The following PEAR1 variants were observed in gnomAD, a reference collection of about 807,000 sequenced individuals.
PEAR1 encodes platelet endothelial aggregation receptor 1.
PEAR1 carries 113 observed loss-of-function variants against 131.2 expected under a neutral mutation model. The ratio of observed to expected loss-of-function variants is 0.86; its 90% CI spans 0.74 to 1.01. The LOEUF is 1.01. Ranked by LOEUF, PEAR1 falls within the 50% of genes least tolerant of loss-of-function variation. The probability of loss-of-function intolerance (pLI) is 0.00; values close to 1 mark genes in which losing one functional copy is unlikely to be tolerated. For synonymous variants in PEAR1, 565 were observed against 523.3 expected, an observed-to-expected ratio of 1.08 and a Z score of -1.09; for missense variants, 1,408 against 1,391.1, an observed-to-expected ratio of 1.01 and a Z score of -0.19.
At position 156,908,661 on chromosome 1, in the gene PEAR1, C is replaced by A; in HGVS notation, c.1122C>A (p.His374Gln). The A allele has an allele frequency of 6.6e-7, 1 of 1,525,798 alleles. No homozygotes were observed. Among genetic ancestry groups the A allele is most frequent in the Non-Finnish European group, 8.8e-7 (1 of 1,141,160 alleles). 94.5% of individuals were successfully genotyped at this position (1,525,798 alleles called of 1,614,324 possible). A position where few individuals can be genotyped will look rare whatever the true frequency, so the allele number is the denominator to read the frequency against. ...TCDREHSLSC[H>Q]PMNGECSCLP... ...CCCCCGCCTCTGCCCCCAGCTGCCA[C>A]CCGATGAACGGGGAGTGCTCCTGCC... The change falls in exon 10 of 23, where the codon CAC becomes CAA. Residue 374 changes from histidine to glutamine, a missense_variant. His to Gln is a conservative substitution (Grantham distance 24). Coordinates refer to ENST00000292357, the MANE Select transcript of PEAR1 (RefSeq NM_001080471.3). This position sits in a 1 kb window ranked among gnomAD's most constrained non-coding sequence, Gnocchi z 4.2.
chr1:156,916,242 T>C lies in PEAR1; in HGVS notation c.*1444T>C, dbSNP rs191684526. The C allele has an allele frequency of 2.6e-5, 4 of 152,332 alleles. No individual in the cohort carries two copies. In the East Asian group the frequency reaches 7.7e-4, roughly 29 times the overall value. The allele number at this position is 152,332 out of a possible 1,614,324, so 9.4% of individuals were successfully genotyped here. On this transcript the variant is annotated 3_prime_UTR_variant, in exon 23 of 23. Transcript: ENST00000292357. ...TAAGCAAATCTGTTGGCACCATTTTTCCAATAGCATGTGCCCATTTTGGGT... is the reference window on the plus strand; with the variant it reads ...TAAGCAAATCTGTTGGCACCATTTTCCCAATAGCATGTGCCCATTTTGGGT...
Position 156,913,801 on chromosome 1 carries a change from G to C in PEAR1, c.2713+41G>C, listed in dbSNP as rs112488283. On this transcript the variant is annotated intron_variant, in intron 21 of 22. Coordinates refer to ENST00000292357, the MANE Select transcript of PEAR1 (RefSeq NM_001080471.3). ...CAACAAGGGAGGTGGCTGAGCTGGGGCTGAGGAACCAGTGCCTCCATGCGG... is the reference window on the plus strand; with the variant it reads ...CAACAAGGGAGGTGGCTGAGCTGGGCCTGAGGAACCAGTGCCTCCATGCGG... 1.1e-3 allele frequency: 1,765 copies of C among 1,612,046 alleles called. 15 individuals are homozygous for C. In the African/African-American group the frequency reaches 0.016, roughly 15 times the overall value.
rs1305130634 is a variant in PEAR1 at position 156,908,612 on chromosome 1, C to CT, written c.1116-42dup. 1.4e-6 allele frequency: 2 copies of CT among 1,474,846 alleles called. No homozygotes were observed. 91.4% of individuals were successfully genotyped at this position (1,474,846 alleles called of 1,614,324 possible). Reference sequence around the variant, plus strand: ...GAGGGGTCGGGAAGCTGCCCTGCCCCTGCCCAGCTCAGACCGCGCCACGCC... The same window carrying CT: ...GAGGGGTCGGGAAGCTGCCCTGCCCCTTGCCCAGCTCAGACCGCGCCACGCC... On this transcript the variant is annotated intron_variant, in intron 9 of 22. Coordinates refer to ENST00000292357, the MANE Select transcript of PEAR1 (RefSeq NM_001080471.3). This position sits in a 1 kb window ranked among gnomAD's most constrained non-coding sequence, Gnocchi z 4.2.
At chr1:156,913,560 G>A (rs1443834803) in intron 20 of PEAR1, 37 bp downstream of exon 20, 5 of 1,608,586 alleles carry the variant, frequency 3.1e-6, no homozygotes, top group Admixed American at 3.3e-5. Flanking sequence ...GGCGCGGGTG[G>A]ATGTGTGCAG....
At chr1:156,910,132 C>A (rs771969190) in intron 13 of PEAR1, 24 bp downstream of exon 13, 1 of 1,613,980 alleles carries the variant, frequency 6.2e-7, no homozygotes. Context: ...GGCCCCAGGC[C>A]TACTGTGGAT....
intron 2 of PEAR1, 65 bp from the exon 3 acceptor site, chr1:156,904,683 T>A: frequency 4.7e-6 from 7 of 1,490,902 alleles, no homozygotes; most frequent in Non-Finnish European, 6.3e-6. Flanking sequence ...TCATGGCCAT[T>A]TTCCCGTTGT....
rs1245519567 is a variant in PEAR1, at chr1:156,910,603, AC to A, written c.1826-11del. 1 of 1,612,530 alleles carries A rather than the reference AC, an allele frequency of 6.2e-7. No individual in the cohort carries two copies. Among genetic ancestry groups the A allele is most frequent in the East Asian group, 2.2e-5 (1 of 44,830 alleles). On this transcript the variant is annotated splice_polypyrimidine_tract_variant and intron_variant, in intron 14 of 22. Coordinates refer to ENST00000292357, the MANE Select transcript of PEAR1 (RefSeq NM_001080471.3). ...TGGCCTCTGCCCCCAATCACCATGTACCCCTTTCCCCCAGCCTGTCAGCCTG... is the reference window on the plus strand; with the variant it reads ...TGGCCTCTGCCCCCAATCACCATGTACCCTTTCCCCCAGCCTGTCAGCCTG...
At chr1:156,913,327 A>G (rs1316716598) in intron 19 of PEAR1, 45 bp downstream of exon 19, 1 of 1,599,254 alleles carries the variant, frequency 6.3e-7, no homozygotes, top group Non-Finnish European at 8.5e-7. Context: ...AAGCGCACAG[A>G]CCAGCTTCTC....
At position 156,897,433 on chromosome 1, in the gene PEAR1, A is replaced by C. The variant is rs1424934792; in HGVS notation, c.-10+3596A>C. Among the ~76,000 whole-genome samples, 4 of 152,226 alleles carry C rather than the reference A, an allele frequency of 2.6e-5. No individual in the cohort carries two copies. In the East Asian group the frequency reaches 7.7e-4, roughly 29 times the overall value. On this transcript the variant is annotated intron_variant, in intron 1 of 22. Transcript: ENST00000292357. ...TATCCATCAGCCTAATCAGCCCAGC[A>C]GACTTGGAGTACGTCGGGGGCTGTG...
intron 4 of PEAR1, among the ~76,000 whole-genome samples, 166 bp downstream of exon 4, chr1:156,905,590 C>G (rs1478703588): frequency 6.6e-6 from 1 of 152,054 alleles, no homozygotes; most frequent in East Asian, 1.9e-4. Flanking sequence ...GGATGGGGAT[C>G]AGCACTTCCC....
intron 1 of PEAR1, among the ~76,000 whole-genome samples, chr1:156,896,283 A>T (rs1194142904): frequency 6.6e-6 from 1 of 152,200 alleles, no homozygotes; most frequent in African/African-American, 2.4e-5. Context: ...GCCACAGCAC[A>T]CATTTAACGA....
intron 7 of PEAR1, 29 bp downstream of exon 7, chr1:156,907,759 G>A (rs779028038): frequency 1.3e-6 from 2 of 1,593,212 alleles, no homozygotes; most frequent in East Asian, 2.2e-5. Context: ...GTGGGCATGG[G>A]GTGTGGGTCT....
In PEAR1 at chr1:156,914,851, G is replaced by T. The variant is rs961529319; in HGVS notation, c.*53G>T. ...GCACACCTGGCTGTTGCTGCTCAAG[G>T]CTGGGGACAGAGCCTAGTGTACCCC... On this transcript the variant is annotated 3_prime_UTR_variant, in exon 23 of 23. Transcript: ENST00000292357. 46 of 1,598,358 alleles carry T rather than the reference G, an allele frequency of 2.9e-5. No individual in the cohort carries two copies. The highest frequency in any genetic ancestry group is 3.6e-5 in the Non-Finnish European group (42 of 1,170,466).
rs777107997 is a variant in PEAR1, at chr1:156,914,757, C to T, written c.3073C>T (p.Arg1025Trp). The T allele has an allele frequency of 2.5e-5, 40 of 1,614,034 alleles. No homozygotes were observed. The South Asian group carries it at 3.1e-4, about 12-fold the overall frequency. The change falls in exon 23 of 23, where the codon CGG becomes TGG. Residue 1025 changes from arginine (R) to tryptophan (W), a missense_variant. Coordinates refer to ENST00000292357, the MANE Select transcript of PEAR1 (RefSeq NM_001080471.3). ...IPGHYDLPPV[R>W]HPPSPPLRRQ... ...TGGACATTATGACTTGCCTCCAGTA[C>T]GGCATCCCCCATCACCTCCACTTCG...
chr1:156,895,320 C>T (rs1272167012), intron 1 of PEAR1, among the ~76,000 whole-genome samples: 2 of 152,238 alleles, frequency 1.3e-5, no homozygotes, highest in East Asian at 3.8e-4. Flanking sequence ...CTGCTGTGTG[C>T]CTCCCCGCAC....
chr1:156,896,006 C>T (rs1043457424), intron 1 of PEAR1, among the ~76,000 whole-genome samples: 1 of 152,090 alleles, frequency 6.6e-6, no homozygotes, highest in Admixed American at 6.5e-5. Context: ...CACTTGAGCC[C>T]AGGAGGTTGA....
Position 156,908,040 on chromosome 1 carries a change from C to T in PEAR1, c.891C>T (p.Tyr297=). ...FTGQCRCAPG[Y]TGDRCREECP... The stretch of plus-strand genomic sequence containing the variant: ...GGCAGTGCCGCTGCGCTCCGGGTTA[C>T]ACTGGGGATCGGTGAGTGGCGTGGG... Residue 297 remains tyrosine (Y), a synonymous_variant, in exon 8 of 23, where the codon TAC becomes TAT. Transcript: ENST00000292357. The surrounding 1 kb of genome is among the most constrained non-coding windows in gnomAD (Gnocchi z 4.2). The T allele has an allele frequency of 6.3e-7, 1 of 1,576,244 alleles. No homozygotes were observed.
chr1:156,915,051 G>T lies in PEAR1; in HGVS notation c.*253G>T, dbSNP rs1439676011. The T allele has an allele frequency of 6.7e-6, 3 of 447,256 alleles. No individual in the cohort carries two copies. Among genetic ancestry groups the T allele is most frequent in the African/African-American group, 6.0e-5 (3 of 49,594 alleles). 27.7% of individuals were successfully genotyped at this position (447,256 alleles called of 1,614,324 possible). A position where few individuals can be genotyped will look rare whatever the true frequency, so the allele number is the denominator to read the frequency against. On this transcript the variant is annotated 3_prime_UTR_variant, in exon 23 of 23. Coordinates refer to ENST00000292357, the MANE Select transcript of PEAR1 (RefSeq NM_001080471.3). The stretch of plus-strand genomic sequence containing the variant: ...CTCCAGGGCCCTGTGTACATAAACT[G>T]GTGGGTTGGAAGTTGCTGGGTAACT...
In PEAR1 at chr1:156,910,600, T is replaced by C. The variant is rs754930432; in HGVS notation, c.1826-18T>C. On this transcript the variant is annotated intron_variant, in intron 14 of 22. Transcript: ENST00000292357. ...GATTGGCCTCTGCCCCCAATCACCATGTACCCCTTTCCCCCAGCCTGTCAG... is the reference window on the plus strand; with the variant it reads ...GATTGGCCTCTGCCCCCAATCACCACGTACCCCTTTCCCCCAGCCTGTCAG... 3 of 1,613,206 alleles carry C rather than the reference T, an allele frequency of 1.9e-6. No individual in the cohort carries two copies. The highest frequency in any genetic ancestry group is 1.7e-6 in the Non-Finnish European group (2 of 1,179,702).
Sources: gnomAD v4.1 joint callset for allele counts (sites outside exome capture counted in the v4.1 genomes callset) on GRCh38, gnomAD v4.1.1 for gene constraint, Gnocchi (gnomAD v3.1) non-coding constraint, MANE v1.5 for transcripts, NCBI Gene and HGNC (gene_info 2026-07-23, HGNC 2026-07-21) for gene names.